The following ZNF200 variants were observed in gnomAD, a reference collection of about 807,000 sequenced individuals.
ZNF200 encodes zinc finger protein 200.
In ZNF200, 35 loss-of-function variants were observed where a neutral mutation model predicts 33.6. The observed-to-expected ratio is 1.04, with a 90% CI of 0.80 to 1.38. The LOEUF is 1.38. Among genes scored for constraint, ZNF200 ranks in the 40% most tolerant of loss-of-function variants. ZNF200 has a pLI of 0.00. For synonymous variants in ZNF200, 209 were observed against 167.7 expected (o/e 1.25, Z -1.90); for missense variants, 592 against 470.6 (o/e 1.26, Z -2.39).
In ZNF200 at chr16:3,224,113, G is replaced by T. The variant is rs371093127; in HGVS notation, c.967C>A (p.Arg323=). ...CGKNFRQNSH[R]SRHEGIHIRE... ...ATATGGATTCCTTCATGACGACTCC[G>T]ATGAGAATTCTGACGGAAGTTTTTT... Residue 323 remains arginine (R), a synonymous_variant, in exon 5 of 5, where the codon CGG becomes AGG. Transcript: ENST00000414144. 3 of 1,613,974 alleles carry T rather than the reference G, an allele frequency of 1.9e-6. No homozygotes were observed. Among genetic ancestry groups the T allele is most frequent in the Non-Finnish European group, 2.5e-6 (3 of 1,180,012 alleles).
chr16:3,224,678 G>C, intron 4 of ZNF200, 65 bp from the exon 5 acceptor site: 4 of 1,509,036 alleles, frequency 2.7e-6, no homozygotes, highest in Non-Finnish European at 3.5e-6. Context: ...GAAAAAACAA[G>C]TCAGGTTTCT....
rs749322289 is a variant in ZNF200 at position 3,232,444 on chromosome 16, C to G, written c.443G>C (p.Ser148Thr). 4 of 1,613,962 alleles carry G rather than the reference C, an allele frequency of 2.5e-6. No individual in the cohort carries two copies. In the African/African-American group the frequency reaches 5.3e-5, roughly 22 times the overall value. ...QLTSEKEDDS[S>T]VGEMMLLAVN... ...ACCCAGTAACATCATTTCCCCGACA[C>G]TGCTGTCATCTTCCTTCTCTGACGT... The change falls in exon 4 of 5, where the codon AGT becomes ACT. Residue 148 changes from serine to threonine, a missense_variant. Transcript: ENST00000414144.
At position 3,224,508 on chromosome 16, in the gene ZNF200, A is replaced by G. The variant is rs903073794; in HGVS notation, c.572T>C (p.Leu191Ser). Residue 191 changes from leucine (L) to serine (S), a missense_variant, in exon 5 of 5, where the codon TTG (leucine) becomes TCG (serine). Physicochemically the swap from Leu to Ser is moderately radical, Grantham distance 145. Transcript: ENST00000414144. ...GTTATCGGGAGGCTGCTGAGAGACC[A>G]AGGAAGAATCCATTTCATCATCATC... is the stretch of plus-strand genomic sequence containing the variant. Reference protein sequence around the residue: ...SSDDDEMDSSLVSQQPPDNQE... With the variant: ...SSDDDEMDSSSVSQQPPDNQE... 3 of 1,614,210 alleles carry G rather than the reference A, an allele frequency of 1.9e-6. No individual in the cohort carries two copies. Among genetic ancestry groups the G allele is most frequent in the Admixed American group, 3.3e-5 (2 of 60,024 alleles).
rs913969920 is a variant in ZNF200, at chr16:3,222,543, A to C, written c.*1349T>G. ...AAAACAAGTGAAGAAAATTAGAAAAATTTTCACAGGAATATAATACTCTAA... is the reference window on the plus strand; with the variant it reads ...AAAACAAGTGAAGAAAATTAGAAAACTTTTCACAGGAATATAATACTCTAA... On this transcript the variant is annotated 3_prime_UTR_variant, in exon 5 of 5. Coordinates refer to ENST00000414144, the MANE Select transcript of ZNF200 (RefSeq NM_198088.3). 1 of 152,324 alleles carries C rather than the reference A, an allele frequency of 6.6e-6. No homozygotes were observed. The highest frequency in any genetic ancestry group is 2.1e-4 in the South Asian group (1 of 4,832). The allele number at this position is 152,324 out of a possible 1,614,324, so 9.4% of individuals were successfully genotyped here.
chr16:3,228,406 C>T (rs1372445167), intron 4 of ZNF200, among the ~76,000 whole-genome samples: 1 of 151,902 alleles, frequency 6.6e-6, no homozygotes, highest in Non-Finnish European at 1.5e-5. Flanking sequence ...TCAATTTTGT[C>T]AAGTATCTTT....
intron 4 of ZNF200, among the ~76,000 whole-genome samples, chr16:3,228,865 G>A (rs967403945): frequency 6.6e-5 from 10 of 152,002 alleles, no homozygotes; most frequent in African/African-American, 1.5e-4. Flanking sequence ...GCAACCTTGC[G>A]TCAAAGGGGT....
chr16:3,232,418 T>A lies in ZNF200; in HGVS notation c.466+3A>T, dbSNP rs774478229. 1.9e-6 allele frequency: 3 copies of A among 1,613,376 alleles called. No homozygotes were observed. On this transcript the variant is annotated splice_donor_region_variant and intron_variant, in intron 4 of 4. Coordinates refer to ENST00000414144, the MANE Select transcript of ZNF200 (RefSeq NM_198088.3). ...TGAACACACAAAGGCTGTGATTTCT[T>A]ACCCAGTAACATCATTTCCCCGACA...
At chr16:3,229,636 C>A (rs1333824273) in intron 4 of ZNF200, among the ~76,000 whole-genome samples, 2 of 152,004 alleles carry the variant, frequency 1.3e-5, no homozygotes, top group African/African-American at 4.8e-5. Context: ...GAGGCCAAGG[C>A]GGGCAGATCA....
At position 3,233,725 on chromosome 16, in the gene ZNF200, G is replaced by T. The variant is rs201812346; in HGVS notation, c.31C>A (p.Pro11Thr). MMAAKVVPMPPKPKQSFILRV... is the reference protein window; with the variant it reads MMAAKVVPMPTKPKQSFILRV... ...AGTATAAAGGACTGCTTTGGCTTTG[G>T]GGGCATAGGAACCACTTTTGCAGCC... is the stretch of plus-strand genomic sequence containing the variant. Residue 11 changes from proline to threonine, a missense_variant, in exon 2 of 5, where the codon CCA becomes ACA. Physicochemically the swap from Pro to Thr is conservative, Grantham distance 38. Coordinates refer to ENST00000414144, the MANE Select transcript of ZNF200 (RefSeq NM_198088.3). The T allele has an allele frequency of 6.2e-7, 1 of 1,612,678 alleles. No homozygotes were observed. The highest frequency in any genetic ancestry group is 8.5e-7 in the Non-Finnish European group (1 of 1,179,568).
Position 3,235,035 on chromosome 16 carries a change from G to A in ZNF200, c.-130C>T, listed in dbSNP as rs572462338. The A allele has an allele frequency of 1.3e-5, 2 of 152,370 alleles. No homozygotes were observed. The highest frequency in any genetic ancestry group is 1.3e-4 in the Admixed American group (2 of 15,310). 9.4% of individuals were successfully genotyped at this position (152,370 alleles called of 1,614,324 possible). A position where few individuals can be genotyped will look rare whatever the true frequency, so the allele number is the denominator to read the frequency against. On this transcript the variant is annotated 5_prime_UTR_variant, in exon 1 of 5. Transcript: ENST00000414144. Reference sequence around the variant, plus strand: ...GAGCGTTTGCTGGGGACGGCTCAGAGACTCAGGCTCCGGGAGAGATAGAAA... The same window carrying A: ...GAGCGTTTGCTGGGGACGGCTCAGAAACTCAGGCTCCGGGAGAGATAGAAA...
chr16:3,225,330 AGCT>A (rs1164935682), intron 4 of ZNF200: 3 of 152,262 alleles, frequency 2.0e-5, no homozygotes, highest in Admixed American at 2.0e-4. Context: ...CTGTAATCTC[AGCT>A]ACTAGGGAGG....
intron 2 of ZNF200, 72 bp downstream of exon 2, chr16:3,233,434 T>A (rs753881029): frequency 2.5e-5 from 37 of 1,478,488 alleles, no homozygotes; most frequent in Non-Finnish European, 3.3e-5. Context: ...AATTTATAAC[T>A]AACACAGAAA....
In ZNF200 at chr16:3,224,356, G is replaced by A. The variant is rs146563741; in HGVS notation, c.724C>T (p.Leu242Phe). 9.3e-5 allele frequency: 150 copies of A among 1,614,156 alleles called. No homozygotes were observed. The East Asian group carries it at 3.2e-3, about 34-fold the overall frequency. The change falls in exon 5 of 5, where the codon CTT (leucine) becomes TTT (phenylalanine). Residue 242 changes from leucine (L) to phenylalanine (F), a missense_variant. Transcript: ENST00000414144. ...SKYVDISIIALTRNRRTRRWY... is the reference protein window; with the variant it reads ...SKYVDISIIAFTRNRRTRRWY... ...CTCCTTGTCCTCCGATTTCGAGTAA[G>A]GGCAATAATACTGATGTCTACATAT... is the stretch of plus-strand genomic sequence containing the variant.
At chr16:3,232,726 A>G (rs1596342191) in intron 3 of ZNF200, 107 bp downstream of exon 3, 1 of 1,440,980 alleles carries the variant, frequency 6.9e-7, no homozygotes, top group Non-Finnish European at 9.5e-7. Context: ...AAAAAGCAGA[A>G]GAAAAACACC....
Position 3,224,132 on chromosome 16 carries a change from GT to G in ZNF200, c.947del (p.Asn316ThrfsTer16), listed in dbSNP as rs1176873450. On this transcript the variant is annotated frameshift_variant, in exon 5 of 5. Coordinates refer to ENST00000414144, the MANE Select transcript of ZNF200 (RefSeq NM_198088.3). LOFTEE classifies it high-confidence loss of function. ...GACTCCGATGAGAATTCTGACGGAA[GT>G]TTTTTCCACACTGAGAACAGGAATA... Reference protein sequence around the residue: ...KPYSCSQCGKNFRQNSHRSRH... With the variant: ...KPYSCSQCGKXFRQNSHRSRH... 6.2e-7 allele frequency: 1 copy of G among 1,613,986 alleles called. No homozygotes were observed. Among genetic ancestry groups the G allele is most frequent in the Admixed American group, 1.7e-5 (1 of 59,986 alleles).
intron 4 of ZNF200, among the ~76,000 whole-genome samples, chr16:3,231,368 C>T (rs140808173): frequency 6.6e-4 from 101 of 152,268 alleles, no homozygotes; most frequent in African/African-American, 1.6e-3. Flanking sequence ...TCTGACCATA[C>T]GGTATAATTA....
At chr16:3,234,092 A>C (rs1218021215) in intron 1 of ZNF200, 2 of 190,780 alleles carry the variant, frequency 1.0e-5, no homozygotes, top group African/African-American at 4.8e-5. Context: ...GGAGAAGGCC[A>C]AGGTCCAGCC....
chr16:3,231,217 A>T (rs1205619462), intron 4 of ZNF200, among the ~76,000 whole-genome samples: 1 of 152,156 alleles, frequency 6.6e-6, no homozygotes, highest in Non-Finnish European at 1.5e-5. Context: ...AGTCACCCAA[A>T]ATAAATGCCA....
At chr16:3,232,568 T>C in intron 3 of ZNF200, 21 bp from the exon 4 acceptor site, 1 of 1,611,450 alleles carries the variant, frequency 6.2e-7, no homozygotes, top group Non-Finnish European at 8.5e-7. Flanking sequence ...AAGAGGCCCC[T>C]TTCATCTTAG....
Sources: gnomAD v4.1 joint callset for allele counts (sites outside exome capture counted in the v4.1 genomes callset) on GRCh38, gnomAD v4.1.1 for gene constraint, MANE v1.5 for transcripts, NCBI Gene and HGNC (gene_info 2026-07-23, HGNC 2026-07-21) for gene names.